PPP1R1C: variants seen among roughly 807,000 people sequenced by gnomAD.
PPP1R1C encodes the protein protein phosphatase 1 regulatory inhibitor subunit 1C.
PPP1R1C carries 15 observed loss-of-function variants against 17.4 expected under a neutral mutation model. The observed-to-expected ratio is 0.86, with a 90% confidence interval of 0.58 to 1.33. The LOEUF (loss-of-function observed/expected upper bound fraction) is 1.33, where lower values mean the gene tolerates loss of function less well. PPP1R1C is among the 40% of genes most tolerant of loss of function. PPP1R1C has a pLI of 0.00. For missense variants in PPP1R1C, 143 were observed against 130.0 expected (o/e 1.10, Z -0.48); for synonymous variants, 35 against 43.1 (o/e 0.81, Z 0.73).
chr2:181,954,965 G>A (rs992097742), intron 1 of PPP1R1C, among the ~76,000 whole-genome samples: 2 of 152,150 alleles, frequency 1.3e-5, no homozygotes, highest in Non-Finnish European at 2.9e-5. Context: ...CCTAATTGAG[G>A]GCTGTCTCAG....
intron 4 of PPP1R1C, among the ~76,000 whole-genome samples, chr2:182,079,029 G>C (rs948503751): frequency 6.6e-6 from 1 of 152,158 alleles, no homozygotes; most frequent in African/African-American, 2.4e-5. Context: ...TACACAATCT[G>C]CAATCAAATT....
chr2:182,081,931 T>G (rs1009030770), intron 4 of PPP1R1C, among the ~76,000 whole-genome samples: 1 of 152,194 alleles, frequency 6.6e-6, no homozygotes, highest in African/African-American at 2.4e-5. Flanking sequence ...GCAGAAACTT[T>G]GTAGTTAATG....
chr2:182,087,039 C>T (rs1025113541), intron 4 of PPP1R1C, among the ~76,000 whole-genome samples: 4 of 152,178 alleles, frequency 2.6e-5, no homozygotes, highest in African/African-American at 9.7e-5. Context: ...TTAACTCTCA[C>T]ATTTCACATC....
At chr2:182,049,474 A>T (rs974322534) in intron 2 of PPP1R1C, among the ~76,000 whole-genome samples, 2 of 152,170 alleles carry the variant, frequency 1.3e-5, no homozygotes, top group African/African-American at 2.4e-5. Flanking sequence ...GCTAATGAAA[A>T]TATACTAAGG....
intron 4 of PPP1R1C, among the ~76,000 whole-genome samples, chr2:182,079,478 G>A (rs901490162): frequency 1.3e-5 from 2 of 152,188 alleles, no homozygotes; most frequent in Non-Finnish European, 2.9e-5. Context: ...CAGTGGCTAA[G>A]TGCAAAAATC....
At chr2:182,046,269 C>T (rs1316804222) in intron 2 of PPP1R1C, among the ~76,000 whole-genome samples, 1 of 151,994 alleles carries the variant, frequency 6.6e-6, no homozygotes, top group South Asian at 2.1e-4. Context: ...TTTACTTAAC[C>T]TACATAATGC....
chr2:182,090,368 A>C (rs1040861659), intron 4 of PPP1R1C, among the ~76,000 whole-genome samples: 2 of 151,874 alleles, frequency 1.3e-5, no homozygotes, highest in Non-Finnish European at 2.9e-5. Context: ...ACAGAAAGAG[A>C]TGAAGCTGTG....
At chr2:181,999,616 G>A (rs1052462915) in intron 2 of PPP1R1C, among the ~76,000 whole-genome samples, 8 of 152,006 alleles carry the variant, frequency 5.3e-5, no homozygotes, top group African/African-American at 1.7e-4. Context: ...GTGAGATTCT[G>A]TTTGATATAA....
rs1687910808 is a variant in PPP1R1C at position 182,063,765 on chromosome 2, G to A, written c.215G>A (p.Ser72Asn). 1.2e-6 allele frequency: 2 copies of A among 1,612,852 alleles called. No homozygotes were observed. Among genetic ancestry groups the A allele is most frequent in the South Asian group, 1.1e-5 (1 of 91,060 alleles). Reference protein sequence around the residue: ...QNASPKQRKQSVYTPPTIKGV... With the variant: ...QNASPKQRKQNVYTPPTIKGV... Reference sequence around the variant, plus strand: ...GCATCCCCTAAGCAAAGGAAGCAGAGTGTGTACACACCACCCACCATAAAA... The same window carrying A: ...GCATCCCCTAAGCAAAGGAAGCAGAATGTGTACACACCACCCACCATAAAA... The change falls in exon 4 of 5, where the codon AGT becomes AAT. Residue 72 changes from serine (S) to asparagine (N), a missense_variant. Coordinates refer to ENST00000682840, the MANE Select transcript of PPP1R1C (RefSeq NM_001080545.3).
At chr2:182,128,616 A>G (rs1249799497) in intron 5 of PPP1R1C, among the ~76,000 whole-genome samples, 1 of 150,000 alleles carries the variant, frequency 6.7e-6, no homozygotes, top group Admixed American at 6.7e-5. Context: ...TTAGAAATGC[A>G]TGAACACACA....
intron 5 of PPP1R1C, among the ~76,000 whole-genome samples, chr2:182,122,849 T>A (rs1689767176): frequency 1.3e-5 from 2 of 152,166 alleles, no homozygotes; most frequent in Non-Finnish European, 1.5e-5. Context: ...GCACTATTTA[T>A]TTATTTATTT....
intron 1 of PPP1R1C, among the ~76,000 whole-genome samples, chr2:181,969,545 C>T (rs1162751963): frequency 6.6e-6 from 1 of 152,016 alleles, no homozygotes; most frequent in African/African-American, 2.4e-5. Context: ...TTTCTTTATC[C>T]TAGACCTTTG....
At chr2:182,058,130 C>A (rs1445662065) in intron 2 of PPP1R1C, among the ~76,000 whole-genome samples, 1 of 152,006 alleles carries the variant, frequency 6.6e-6, no homozygotes, top group Non-Finnish European at 1.5e-5. Flanking sequence ...TTTTATAATG[C>A]CTTTTTTTCT....
At chr2:182,049,441 G>T (rs556538486) in intron 2 of PPP1R1C, among the ~76,000 whole-genome samples, 65 of 151,710 alleles carry the variant, frequency 4.3e-4, no homozygotes, top group Non-Finnish European at 8.5e-4. Context: ...ACAAAATAGT[G>T]CAGGAAAAGA....
chr2:181,984,100 C>G (rs950928879), upstream of PPP1R1C, among the ~76,000 whole-genome samples: 3 of 152,146 alleles, frequency 2.0e-5, no homozygotes, highest in Non-Finnish European at 4.4e-5. Flanking sequence ...CTTAGTGATT[C>G]TGGTTGAAAA....
exon 6 of PPP1R1C, chr2:182,129,325 G>A (rs1689949855): frequency 6.6e-6 from 1 of 152,076 alleles, no homozygotes; most frequent in African/African-American, 2.4e-5. Flanking sequence ...TCTGGAATCT[G>A]AGCCTTCTCT....
intron 2 of PPP1R1C, among the ~76,000 whole-genome samples, chr2:182,022,770 A>G (rs189183184): frequency 6.6e-6 from 1 of 152,336 alleles, no homozygotes; most frequent in Admixed American, 6.5e-5. Context: ...AATTAATGAG[A>G]AGAATAAGTG....
chr2:182,109,062 T>C (rs1043862943), intron 4 of PPP1R1C, among the ~76,000 whole-genome samples: 6 of 152,220 alleles, frequency 3.9e-5, no homozygotes, highest in African/African-American at 1.4e-4. Flanking sequence ...AGGTGTGCAG[T>C]AGTATCTCAT....
chr2:181,992,602 T>G (rs1233419384), intron 2 of PPP1R1C, among the ~76,000 whole-genome samples: 2 of 134,968 alleles, frequency 1.5e-5, no homozygotes, highest in Non-Finnish European at 3.3e-5. Flanking sequence ...TGGAGATAAG[T>G]GCAGATTTGG....
Sources: gnomAD v4.1 joint callset for allele counts (sites outside exome capture counted in the v4.1 genomes callset) on GRCh38, gnomAD v4.1.1 for gene constraint, MANE v1.5 for transcripts, NCBI Gene and HGNC (gene_info 2026-07-23, HGNC 2026-07-21) for gene names.